The following ZMYM2 variants were observed in gnomAD, a reference collection of about 807,000 sequenced individuals.
The protein encoded by ZMYM2 is zinc finger MYM-type protein 2.
In ZMYM2, 56 loss-of-function variants were observed where a neutral mutation model predicts 162.8. That is an observed-to-expected ratio of 0.34 (90% CI 0.28 to 0.43). ZMYM2 has a LOEUF of 0.43. Ranked by LOEUF, ZMYM2 falls within the 20% of genes least tolerant of loss-of-function variation. The pLI is 1.00. For missense variants in ZMYM2, 1,275 were observed against 1,621.8 expected, an observed-to-expected ratio of 0.79 and a Z score of 3.67; for synonymous variants, 510 against 541.6, an observed-to-expected ratio of 0.94 and a Z score of 0.81.
chr13:19,985,792 C>T (rs1429602998), intron 2 of ZMYM2, among the ~76,000 whole-genome samples: 1 of 151,966 alleles, frequency 6.6e-6, no homozygotes, highest in Admixed American at 6.6e-5. Context: ...ACAAGAATTA[C>T]TTGAACCCTG....
At chr13:20,002,018 A>C (rs1311011718) in intron 3 of ZMYM2, among the ~76,000 whole-genome samples, 1 of 152,214 alleles carries the variant, frequency 6.6e-6, no homozygotes, top group Non-Finnish European at 1.5e-5. Flanking sequence ...GAGCTGAACC[A>C]GAAATATTTC....
At chr13:20,061,331 G>A in intron 17 of ZMYM2, 107 bp downstream of exon 17, 2 of 1,269,126 alleles carry the variant, frequency 1.6e-6, no homozygotes, top group Non-Finnish European at 1.1e-6. Flanking sequence ...ACTTATGTGG[G>A]GGTGAGGAAA....
chr13:19,989,899 G>T (rs144041475), intron 2 of ZMYM2, among the ~76,000 whole-genome samples: 1 of 152,126 alleles, frequency 6.6e-6, no homozygotes, highest in Non-Finnish European at 1.5e-5. Flanking sequence ...GTCAGTAAGA[G>T]ATCTTGCTTT....
chr13:19,988,789 A>T (rs1371936404), intron 2 of ZMYM2, among the ~76,000 whole-genome samples: 1 of 152,202 alleles, frequency 6.6e-6, no homozygotes, highest in Non-Finnish European at 1.5e-5. Flanking sequence ...CTCAAAAAAA[A>T]AGAAAAGACA....
intron 9 of ZMYM2, among the ~76,000 whole-genome samples, chr13:20,030,795 A>C (rs559508898): frequency 2.7e-4 from 41 of 152,266 alleles, no homozygotes; most frequent in African/African-American, 9.9e-4. Flanking sequence ...TGACCTCCCA[A>C]AGTGCTAGAA....
At chr13:20,021,367 C>CTTT (rs77767226) in intron 7 of ZMYM2, among the ~76,000 whole-genome samples, 1 of 108,882 alleles carries the variant, frequency 9.2e-6, no homozygotes, top group African/African-American at 3.3e-5. Context: ...TGTTTTCCTG[C>CTTT]TTTTTTTTTT....
chr13:19,910,098 G>A, the ZMYM2 span, among the ~76,000 whole-genome samples: 1 of 151,778 alleles, frequency 6.6e-6, no homozygotes, highest in Admixed American at 6.6e-5. Flanking sequence ...GTGGTGGCGG[G>A]TGCCTGTAGT....
the ZMYM2 span, among the ~76,000 whole-genome samples, chr13:19,930,066 T>A: frequency 6.6e-6 from 1 of 152,140 alleles, no homozygotes; most frequent in Non-Finnish European, 1.5e-5. Flanking sequence ...GAGACCAACC[T>A]GGGCAACATG....
the ZMYM2 span, among the ~76,000 whole-genome samples, chr13:19,907,701 G>T: frequency 1.5e-5 from 2 of 136,662 alleles, no homozygotes; most frequent in African/African-American, 5.4e-5. Flanking sequence ...ATCGGAGGTT[G>T]CAGTGAGCCG....
At chr13:19,877,228 A>AAC in the ZMYM2 span, among the ~76,000 whole-genome samples, 3 of 151,554 alleles carry the variant, frequency 2.0e-5, no homozygotes, top group African/African-American at 7.3e-5. Context: ...AAAAAAAAAA[A>AAC]CAAAGAAGTT....
At chr13:19,877,222 A>AAC in the ZMYM2 span, among the ~76,000 whole-genome samples, 21 of 151,474 alleles carry the variant, frequency 1.4e-4, no homozygotes, top group Non-Finnish European at 2.4e-4. Context: ...AAAAAAAAAA[A>AAC]AAAAAACAAA....
chr13:20,083,023 G>GATA lies in ZMYM2; in HGVS notation c.3814_3816dup (p.Asn1272dup). On this transcript the variant is annotated inframe_insertion, in exon 23 of 25. Coordinates refer to ENST00000610343, the MANE Select transcript of ZMYM2 (RefSeq NM_197968.4). ...CCAAGTGTCTTCCTTGTGTGGAACA[G>GATA]ATAATGAAGGTAGTGTAACAGATTT... 1 of 1,609,934 alleles carries GATA rather than the reference G, an allele frequency of 6.2e-7. No individual in the cohort carries two copies. Among genetic ancestry groups the GATA allele is most frequent in the Non-Finnish European group, 8.5e-7 (1 of 1,177,966 alleles).
chr13:19,909,430 C>CA, the ZMYM2 span, among the ~76,000 whole-genome samples: 2 of 112,398 alleles, frequency 1.8e-5, no homozygotes, highest in African/African-American at 6.0e-5. Flanking sequence ...CTGCCTTTTT[C>CA]GTTTTTTTTT....
intron 3 of ZMYM2, among the ~76,000 whole-genome samples, chr13:20,002,305 T>G (rs762012441): frequency 6.6e-6 from 1 of 152,210 alleles, no homozygotes; most frequent in Non-Finnish European, 1.5e-5. Flanking sequence ...TAATAACTAG[T>G]GACATTTTTT....
chr13:19,923,394 AG>A, the ZMYM2 span, among the ~76,000 whole-genome samples: 1 of 149,702 alleles, frequency 6.7e-6, no homozygotes, highest in African/African-American at 2.4e-5. Flanking sequence ...GGAGAAAAAA[AG>A]TCAGTGGTCT....
At chr13:20,067,217 T>G in intron 20 of ZMYM2, 22 bp from the exon 21 acceptor site, 1 of 1,514,374 alleles carries the variant, frequency 6.6e-7, no homozygotes, top group East Asian at 2.5e-5. Context: ...TAACAATTAT[T>G]TTTTATTTTA....
Position 20,036,855 on chromosome 13 carries a change from G to T in ZMYM2, c.2238G>T (p.Val746=). 2 of 1,610,540 alleles carry T rather than the reference G, an allele frequency of 1.2e-6. No individual in the cohort carries two copies. The highest frequency in any genetic ancestry group is 2.2e-5 in the South Asian group (2 of 90,288). ...KGATKELDGV[V]RDFCSEDCCK... The stretch of plus-strand genomic sequence containing the variant: ...CAACTAAAGAACTCGATGGTGTTGT[G>T]AGAGATTTCTGCAGTGAAGATTGCT... Residue 746 remains valine, a synonymous_variant, in exon 12 of 25, where the codon GTG becomes GTT. Coordinates refer to ENST00000610343, the MANE Select transcript of ZMYM2 (RefSeq NM_197968.4).
At chr13:19,984,274 G>A (rs766293851) in intron 2 of ZMYM2, among the ~76,000 whole-genome samples, 1 of 152,064 alleles carries the variant, frequency 6.6e-6, no homozygotes, top group Non-Finnish European at 1.5e-5. Flanking sequence ...CAACTGTTGT[G>A]TTAATTAATT....
intron 21 of ZMYM2, among the ~76,000 whole-genome samples, chr13:20,079,385 G>C (rs1422949403): frequency 1.6e-5 from 1 of 61,520 alleles, no homozygotes; most frequent in African/African-American, 4.0e-5. Context: ...AAGACTTTCT[G>C]TGATGATTTT....
Sources: gnomAD v4.1 joint callset for allele counts (sites outside exome capture counted in the v4.1 genomes callset) on GRCh38, gnomAD v4.1.1 for gene constraint, MANE v1.5 for transcripts, NCBI Gene and HGNC (gene_info 2026-07-23, HGNC 2026-07-21) for gene names.